Variants in COG3 observed in about 807,000 individuals in gnomAD.
COG3 encodes the protein component of oligomeric golgi complex 3.
COG3 carries 32 observed loss-of-function variants against 114.1 expected under a neutral mutation model. That is an observed-to-expected ratio of 0.28 (90% CI 0.21 to 0.38). The LOEUF is 0.38. COG3 is among the 10% of genes least tolerant of loss of function. The pLI is 1.00. For missense variants in COG3, 813 were observed against 973.2 expected, an observed-to-expected ratio of 0.84 and a Z score of 2.19; for synonymous variants, 352 against 365.7, an observed-to-expected ratio of 0.96 and a Z score of 0.43.
chr13:45,508,986 C>A (rs1005583499), intron 14 of COG3, among the ~76,000 whole-genome samples: 4 of 151,742 alleles, frequency 2.6e-5, no homozygotes, highest in Non-Finnish European at 4.4e-5. Flanking sequence ...GTTACTCCCC[C>A]ACCTCCACAG....
intron 2 of COG3, 47 bp downstream of exon 2, chr13:45,476,394 C>T: frequency 6.4e-6 from 10 of 1,574,310 alleles, no homozygotes; most frequent in Non-Finnish European, 8.7e-6. Flanking sequence ...TTTCAGATGT[C>T]TGAAGACAAG....
chr13:45,487,403 A>G (rs1886734554), intron 8 of COG3, among the ~76,000 whole-genome samples: 1 of 152,228 alleles, frequency 6.6e-6, no homozygotes, highest in African/African-American at 2.4e-5. Flanking sequence ...GACTATAATA[A>G]TCTTAAAATC....
At chr13:45,494,993 G>A (rs1248046523) in intron 12 of COG3, among the ~76,000 whole-genome samples, 1 of 150,288 alleles carries the variant, frequency 6.7e-6, no homozygotes, top group Non-Finnish European at 1.5e-5. Flanking sequence ...CTACAGGTAT[G>A]CACCACCATG....
chr13:45,509,007 G>GCTT (rs1870551434), intron 14 of COG3, among the ~76,000 whole-genome samples: 1 of 151,052 alleles, frequency 6.6e-6, no homozygotes, highest in South Asian at 2.1e-4. Context: ...GCTCCCACCT[G>GCTT]CTTCCTTCCT....
rs146337587 is a variant in COG3, at chr13:45,474,546, T to C, written c.175-1655T>C. The stretch of plus-strand genomic sequence containing the variant: ...AGAAGATAATTGAGGATTAGAAACA[T>C]CAAGTAATTTGCCCCATGTCACACA... On this transcript the variant is annotated intron_variant, in intron 1 of 22. Transcript: ENST00000349995. 2.0e-5 allele frequency among the ~76,000 whole-genome samples: 3 copies of C among 152,274 alleles called. No homozygotes were observed. The East Asian group carries it at 5.8e-4, about 29-fold the overall frequency.
intron 16 of COG3, among the ~76,000 whole-genome samples, chr13:45,513,248 CATATAATATATACATATAAATTAT>C (rs869274095): frequency 0.12 from 4,360 of 35,138 alleles, 195 homozygotes; most frequent in African/African-American, 0.17. Context: ...ATAAATTATA[CATATAATATATACATATAAATTAT>C]ATATAATATA....
At chr13:45,476,482 T>G in intron 2 of COG3, 135 bp downstream of exon 2, 1 of 887,930 alleles carries the variant, frequency 1.1e-6, no homozygotes, top group Non-Finnish European at 1.7e-6. Flanking sequence ...CATTCTTGAT[T>G]TTGCATTAGT....
At chr13:45,507,551 G>A (rs1446978394) in intron 14 of COG3, among the ~76,000 whole-genome samples, 4 of 151,444 alleles carry the variant, frequency 2.6e-5, no homozygotes, top group African/African-American at 4.9e-5. Flanking sequence ...GATCACCCAC[G>A]GTCAGGAGTT....
At position 45,508,403 on chromosome 13, in the gene COG3, T is replaced by C. The variant is rs7323562; in HGVS notation, c.1595-1289T>C. Among the ~76,000 whole-genome samples the C allele has an allele frequency of 7.3e-3, 977 of 132,994 alleles. 5 individuals carry two copies. The highest frequency in any genetic ancestry group is 0.029 in the African/African-American group (863 of 30,092). The allele number at this position is 132,994 out of a possible 152,430, so 87.2% of individuals were successfully genotyped here. On this transcript the variant is annotated intron_variant, in intron 14 of 22. Coordinates refer to ENST00000349995, the MANE Select transcript of COG3 (RefSeq NM_031431.4). The stretch of plus-strand genomic sequence containing the variant: ...ATATATTTTTATATATATATATATA[T>C]ACACACACACACACACACACACATA...
chr13:45,519,293 G>A (rs142977963), intron 19 of COG3, among the ~76,000 whole-genome samples, 199 bp downstream of exon 19: 12 of 152,272 alleles, frequency 7.9e-5, no homozygotes, highest in African/African-American at 2.9e-4. Context: ...CACAGTTTTT[G>A]TTTTTAAGAG....
At chr13:45,497,085 T>C (rs3014951) in intron 13 of COG3, among the ~76,000 whole-genome samples, 108,106 of 152,130 alleles carry the variant, frequency 0.71, 40,138 homozygotes, top group Admixed American at 0.81. Context: ...TCTTTAGAAA[T>C]AGAAGAAGGT....
chr13:45,534,596 A>T, intron 22 of COG3, 106 bp from the exon 23 acceptor site: 1 of 657,682 alleles, frequency 1.5e-6, no homozygotes, highest in East Asian at 3.2e-5. Flanking sequence ...GCTGTATTGC[A>T]TGATGCTGAG....
intron 22 of COG3, chr13:45,534,432 A>G (rs528586389): frequency 6.3e-6 from 2 of 318,704 alleles, no homozygotes; most frequent in South Asian, 9.8e-5. Context: ...CTTTATAGCC[A>G]TGTTTACTGG....
intron 22 of COG3, chr13:45,531,067 C>G: frequency 9.9e-7 from 1 of 1,014,948 alleles, no homozygotes. Flanking sequence ...CAAATAGTGG[C>G]ATTTAGCTTG....
chr13:45,500,094 G>GTGTGTGTGTGTATA (rs1321310200), intron 13 of COG3, among the ~76,000 whole-genome samples: 1 of 114,840 alleles, frequency 8.7e-6, no homozygotes, highest in African/African-American at 3.5e-5. Context: ...GTGTGTGTGT[G>GTGTGTGTGTGTATA]TATATATATA....
In COG3 at chr13:45,478,858, T is replaced by A; in HGVS notation, c.322-147T>A. On this transcript the variant is annotated intron_variant, in intron 2 of 22. Coordinates refer to ENST00000349995, the MANE Select transcript of COG3 (RefSeq NM_031431.4). ...GTATTGTGGATATAATTAAACTATT[T>A]TCTCCTGGCCTAAAACTGATTATGT... The A allele has an allele frequency of 4.7e-6, 3 of 638,250 alleles. No individual in the cohort carries two copies. In the South Asian group the frequency reaches 5.4e-5, roughly 11 times the overall value. The allele number at this position is 638,250 out of a possible 1,614,324, so 39.5% of individuals were successfully genotyped here.
At chr13:45,523,847 C>T (rs905986259) in intron 19 of COG3, among the ~76,000 whole-genome samples, 34 of 152,118 alleles carry the variant, frequency 2.2e-4, no homozygotes, top group East Asian at 9.7e-4. Flanking sequence ...ATTTTTACAA[C>T]GGAAAATATT....
In COG3 at chr13:45,492,197, G is replaced by A. The variant is rs2137830573; in HGVS notation, c.1134G>A (p.Gln378=). ...SGCAFMVHVC[Q]DEHQLYNEFF... Reference sequence around the variant, plus strand: ...GTGCCTTCATGGTTCATGTCTGCCAGGATGAACACCAACTTTACAATGAAT... The same window carrying A: ...GTGCCTTCATGGTTCATGTCTGCCAAGATGAACACCAACTTTACAATGAAT... The change falls in exon 11 of 23, where the codon CAG becomes CAA. Residue 378 remains glutamine, a synonymous_variant. Coordinates refer to ENST00000349995, the MANE Select transcript of COG3 (RefSeq NM_031431.4). The A allele has an allele frequency of 6.2e-7, 1 of 1,609,958 alleles. No homozygotes were observed. Among genetic ancestry groups the A allele is most frequent in the Non-Finnish European group, 8.5e-7 (1 of 1,178,254 alleles).
intron 2 of COG3, among the ~76,000 whole-genome samples, chr13:45,476,610 T>C (rs3829342): frequency 0.069 from 10,549 of 152,290 alleles, 421 homozygotes; most frequent in East Asian, 0.11. Flanking sequence ...TAATGTCTTA[T>C]GCACTTTTGA....
Sources: gnomAD v4.1 joint callset for allele counts (sites outside exome capture counted in the v4.1 genomes callset) on GRCh38, gnomAD v4.1.1 for gene constraint, MANE v1.5 for transcripts, NCBI Gene and HGNC (gene_info 2026-07-23, HGNC 2026-07-21) for gene names.